Variants in FGF13 observed in about 807,000 individuals in gnomAD.
FGF13 encodes fibroblast growth factor homologous factor 2.
A neutral mutation model predicts 19.5 loss-of-function variants in FGF13; 2 were observed. That is an observed-to-expected ratio of 0.10 (90% CI 0.04 to 0.32). FGF13 has a LOEUF of 0.32. FGF13 is among the 10% of genes least tolerant of loss of function. The pLI is 1.00. For missense variants in FGF13, 113 were observed against 192.7 expected (o/e 0.59, Z 2.45); for synonymous variants, 72 against 76.9 (o/e 0.94, Z 0.33).
At chrX:139,081,827 C>T (rs997021470) in intron 1 of FGF13, among the ~76,000 whole-genome samples, 14 of 111,061 alleles carry the variant, frequency 1.3e-4, no homozygotes, top group African/African-American at 3.9e-4. Flanking sequence ...TATGACTACA[C>T]TACTTCAAGA....
chrX:138,633,119 A>ATTAGCTTGAT, intron 4 of FGF13, 133 bp from the exon 5 acceptor site: 1 of 575,722 alleles, frequency 1.7e-6, no homozygotes, highest in East Asian at 3.9e-5. Context: ...GCATATGTTA[A>ATTAGCTTGAT]TTAGCTTGAT....
At chrX:139,173,868 G>C (rs906658825) in intron 1 of FGF13, among the ~76,000 whole-genome samples, 1 of 111,732 alleles carries the variant, frequency 8.9e-6, no homozygotes, top group African/African-American at 3.3e-5. Context: ...ACATCCGTGT[G>C]CATGTGTCTT....
intron 3 of FGF13, among the ~76,000 whole-genome samples, chrX:138,786,897 A>G (rs2090697300): frequency 8.9e-6 from 1 of 112,141 alleles, no homozygotes; most frequent in Non-Finnish European, 1.9e-5. Context: ...CAAGTCAAGG[A>G]GAGGAAATGC....
intron 3 of FGF13, among the ~76,000 whole-genome samples, chrX:138,759,847 G>T (rs1243401692): frequency 8.9e-6 from 1 of 112,031 alleles, no homozygotes; most frequent in Non-Finnish European, 1.9e-5. Context: ...ACACATCATA[G>T]GCCTTCTGTA....
intron 1 of FGF13, among the ~76,000 whole-genome samples, chrX:138,891,702 A>G (rs1408991947): frequency 9.0e-6 from 1 of 110,965 alleles, no homozygotes; most frequent in South Asian, 3.8e-4. Flanking sequence ...AGAGATTAAC[A>G]TTTAAGTCAG....
upstream of FGF13, among the ~76,000 whole-genome samples, chrX:138,741,884 TAAG>T (rs1461079892): frequency 8.9e-6 from 1 of 111,908 alleles, no homozygotes; most frequent in Non-Finnish European, 1.9e-5. Context: ...ACCTGAGGAC[TAAG>T]GTCACCCCAT....
chrX:138,763,060 T>C (rs2090478380), intron 3 of FGF13, among the ~76,000 whole-genome samples: 1 of 111,017 alleles, frequency 9.0e-6, no homozygotes, highest in Admixed American at 9.7e-5. Flanking sequence ...GTAGAGAAAA[T>C]GGAGACACCT....
chrX:138,932,729 T>TGC (rs2091710005), intron 1 of FGF13, among the ~76,000 whole-genome samples: 1 of 109,601 alleles, frequency 9.1e-6, no homozygotes, highest in Admixed American at 9.7e-5. Context: ...TGTGTGTGTG[T>TGC]GTGTGTGTGT....
chrX:138,825,878 T>C (rs144628828), intron 3 of FGF13, among the ~76,000 whole-genome samples: 1,230 of 111,354 alleles, frequency 0.011, 7 homozygotes, highest in Middle Eastern at 0.028. Flanking sequence ...CTATACTTGG[T>C]TCTGTGGTGG....
rs984226985 is a variant in FGF13, at chrX:138,889,740, C to T, written c.-112-25090G>A. Among the ~76,000 whole-genome samples the T allele has an allele frequency of 4.5e-5, 5 of 111,264 alleles. No individual in the cohort carries two copies. The East Asian group carries it at 1.4e-3, about 32-fold the overall frequency. ...GAGCAAAGAGTTATTACGGTGGCAT[C>T]CTTGTTTAGAACTGTATATCAAGGC... On this transcript the variant is annotated intron_variant, in intron 1 of 2. Coordinates refer to the FGF13 transcript ENST00000421460.
intron 1 of FGF13, among the ~76,000 whole-genome samples, chrX:138,908,822 T>C (rs192419963): frequency 5.6e-4 from 63 of 111,849 alleles, no homozygotes; most frequent in Non-Finnish European, 8.8e-4. Context: ...AATGTCTTTG[T>C]TGCCAAAGGG....
chrX:138,703,681 T>C (rs190126926), intron 2 of FGF13, among the ~76,000 whole-genome samples: 75 of 112,112 alleles, frequency 6.7e-4, no homozygotes, highest in Admixed American at 2.0e-3. Context: ...AAAGAAAAAG[T>C]CATTTTGTAG....
chrX:138,687,978 G>A lies in FGF13; in HGVS notation c.402+15006C>T, dbSNP rs187670716. Reference sequence around the variant, plus strand: ...ATTTTTTTTTTTTTTTTGAGACGGAGTCTTGCTCTGTTGCCCAGACTGGAG... The same window carrying A: ...ATTTTTTTTTTTTTTTTGAGACGGAATCTTGCTCTGTTGCCCAGACTGGAG... On this transcript the variant is annotated intron_variant, in intron 3 of 4. Coordinates refer to ENST00000315930, the MANE Select transcript of FGF13 (RefSeq NM_004114.5). Among the ~76,000 whole-genome samples, 463 of 105,810 alleles carry A rather than the reference G, an allele frequency of 4.4e-3. 4 individuals carry two copies. Among genetic ancestry groups the A allele is most frequent in the Middle Eastern group, 0.014 (3 of 212 alleles). The allele number at this position is 105,810 out of a possible 115,157, so 91.9% of individuals were successfully genotyped here.
chrX:138,748,273 C>A (rs1025821027), intron 3 of FGF13, among the ~76,000 whole-genome samples: 6 of 111,591 alleles, frequency 5.4e-5, no homozygotes, highest in Non-Finnish European at 9.4e-5. Flanking sequence ...AAAGCTCTAA[C>A]CCCCAATGTG....
intron 3 of FGF13, among the ~76,000 whole-genome samples, chrX:138,807,752 T>G (rs1344724489): frequency 9.0e-6 from 1 of 111,335 alleles, no homozygotes; most frequent in Non-Finnish European, 1.9e-5. Context: ...GAGGAAGATC[T>G]ACCAATGAAA....
chrX:138,632,778 G>A lies in FGF13; in HGVS notation c.*72C>T. ...TGACAAATTTGAACTTTTGGGTGAAGGACTGCTAGAAGAATTCAACAGCAC... is the reference window on the plus strand; with the variant it reads ...TGACAAATTTGAACTTTTGGGTGAAAGACTGCTAGAAGAATTCAACAGCAC... On this transcript the variant is annotated 3_prime_UTR_variant, in exon 5 of 5. Coordinates refer to ENST00000315930, the MANE Select transcript of FGF13 (RefSeq NM_004114.5). The A allele has an allele frequency of 9.0e-7, 1 of 1,111,865 alleles. No homozygotes were observed. The highest frequency in any genetic ancestry group is 3.1e-5 in the East Asian group (1 of 32,678). 91.6% of individuals were successfully genotyped at this position (1,111,865 alleles called of 1,213,427 possible).
At chrX:138,642,168 T>G (rs1602645352) in intron 3 of FGF13, among the ~76,000 whole-genome samples, 1 of 85,387 alleles carries the variant, frequency 1.2e-5, no homozygotes. Context: ...CTGGAAAGGA[T>G]GAGAGAAAGG....
intron 1 of FGF13, among the ~76,000 whole-genome samples, chrX:139,151,649 A>G (rs756235307): frequency 4.5e-5 from 5 of 112,129 alleles, no homozygotes; most frequent in Non-Finnish European, 5.6e-5. Flanking sequence ...AATTTTTTAA[A>G]CATTGAAGCA....
chrX:139,032,884 T>C, intron 1 of FGF13, among the ~76,000 whole-genome samples: 1 of 109,761 alleles, frequency 9.1e-6, no homozygotes, highest in Admixed American at 9.8e-5. Context: ...TCACAAGCAT[T>C]TCAAAGGAAA....
Sources: gnomAD v4.1 joint callset for allele counts (sites outside exome capture counted in the v4.1 genomes callset) on GRCh38, gnomAD v4.1.1 for gene constraint, MANE v1.5 for transcripts, NCBI Gene and HGNC (gene_info 2026-07-23, HGNC 2026-07-21) for gene names.